ZNF804B: variants seen among roughly 807,000 people sequenced by gnomAD.
ZNF804B encodes zinc finger protein 804B.
ZNF804B carries 80 observed loss-of-function variants against 101.4 expected under a neutral mutation model. That is an observed-to-expected ratio of 0.79 (90% confidence interval 0.66 to 0.95). ZNF804B has a LOEUF of 0.95. Among genes scored for constraint, ZNF804B ranks in the 40% least tolerant of loss-of-function variants. ZNF804B has a pLI of 0.00. For missense variants in ZNF804B, 1,673 were observed against 1,561.9 expected, an observed-to-expected ratio of 1.07 and a Z score of -1.20; for synonymous variants, 622 against 558.8, an observed-to-expected ratio of 1.11 and a Z score of -1.59.
intron 1 of ZNF804B, among the ~76,000 whole-genome samples, chr7:88,800,824 C>T (rs1253510623): frequency 6.6e-6 from 1 of 151,728 alleles, no homozygotes; most frequent in Non-Finnish European, 1.5e-5. Flanking sequence ...CTGGCTAAAG[C>T]ACTAGTCCTC....
chr7:89,197,120 A>G (rs1275347153), intron 1 of ZNF804B, among the ~76,000 whole-genome samples: 3 of 151,980 alleles, frequency 2.0e-5, no homozygotes, highest in Non-Finnish European at 4.4e-5. Context: ...TACCTAGGTG[A>G]TGGGATGATT....
At chr7:88,763,629 CTG>C (rs1273628458) in intron 1 of ZNF804B, among the ~76,000 whole-genome samples, 1 of 151,488 alleles carries the variant, frequency 6.6e-6, no homozygotes, top group African/African-American at 2.4e-5. Context: ...TTTTTAGAAA[CTG>C]TGCATTTTCT....
At chr7:89,146,649 A>G (rs1274445318) in intron 1 of ZNF804B, among the ~76,000 whole-genome samples, 1 of 152,040 alleles carries the variant, frequency 6.6e-6, no homozygotes, top group Non-Finnish European at 1.5e-5. Context: ...AATAACTGTA[A>G]ATGAGATAGA....
intron 2 of ZNF804B, among the ~76,000 whole-genome samples, chr7:89,238,230 G>T (rs533163419): frequency 2.6e-5 from 4 of 152,048 alleles, no homozygotes; most frequent in South Asian, 2.1e-4. Context: ...ATTTTGAAAT[G>T]GAGAGAGGAA....
chr7:89,185,894 A>T (rs567330227), intron 1 of ZNF804B, among the ~76,000 whole-genome samples: 1 of 151,090 alleles, frequency 6.6e-6, no homozygotes. Context: ...GAAAAAAAGA[A>T]AAAAAAAAGA....
chr7:88,896,872 A>G (rs968166399), intron 1 of ZNF804B, among the ~76,000 whole-genome samples: 2 of 152,192 alleles, frequency 1.3e-5, no homozygotes, highest in East Asian at 3.9e-4. Flanking sequence ...GTATGCTTTG[A>G]GAATTATGCA....
intron 2 of ZNF804B, among the ~76,000 whole-genome samples, chr7:89,269,225 C>G (rs1789845471): frequency 6.6e-6 from 1 of 152,112 alleles, no homozygotes; most frequent in Non-Finnish European, 1.5e-5. Flanking sequence ...CCCCCTACCC[C>G]ACAACAGGCT....
intron 1 of ZNF804B, among the ~76,000 whole-genome samples, chr7:88,939,341 T>A (rs951098750): frequency 2.6e-5 from 4 of 152,022 alleles, no homozygotes; most frequent in Non-Finnish European, 5.9e-5. Flanking sequence ...TACACTGTAT[T>A]TTTGTTGTTG....
chr7:88,862,094 G>C (rs1526253), intron 1 of ZNF804B, among the ~76,000 whole-genome samples: 3 of 152,058 alleles, frequency 2.0e-5, no homozygotes, highest in Non-Finnish European at 4.4e-5. Context: ...ACTAAATAAC[G>C]TACTCAGTTT....
intron 1 of ZNF804B, among the ~76,000 whole-genome samples, chr7:88,789,578 A>G (rs1272110226): frequency 1.3e-5 from 2 of 152,146 alleles, no homozygotes; most frequent in Non-Finnish European, 2.9e-5. Context: ...GTATGCTCTT[A>G]AAATCTATGC....
At chr7:89,316,111 C>G (rs1444946717) in intron 2 of ZNF804B, among the ~76,000 whole-genome samples, 1 of 151,986 alleles carries the variant, frequency 6.6e-6, no homozygotes, top group Non-Finnish European at 1.5e-5. Context: ...GGTCTTCATG[C>G]CCATTAAGAT....
intron 1 of ZNF804B, among the ~76,000 whole-genome samples, chr7:88,977,487 C>T (rs988089008): frequency 6.6e-6 from 1 of 151,438 alleles, no homozygotes; most frequent in African/African-American, 2.4e-5. Flanking sequence ...GTTGTAATGT[C>T]AAGGAATTTA....
chr7:89,043,117 A>T (rs1789043410), intron 1 of ZNF804B, among the ~76,000 whole-genome samples: 1 of 152,248 alleles, frequency 6.6e-6, no homozygotes, highest in South Asian at 2.1e-4. Context: ...TGAAAGCAGA[A>T]ACTTGAGACG....
chr7:89,297,214 G>A (rs1238301955), intron 2 of ZNF804B, among the ~76,000 whole-genome samples: 1 of 151,926 alleles, frequency 6.6e-6, no homozygotes, highest in African/African-American at 2.4e-5. Context: ...TTCCTACTAA[G>A]TTCAATTAAT....
chr7:88,954,114 C>T (rs1207661416), intron 1 of ZNF804B, among the ~76,000 whole-genome samples: 1 of 151,650 alleles, frequency 6.6e-6, no homozygotes, highest in Non-Finnish European at 1.5e-5. Flanking sequence ...TTTAAACACT[C>T]ATAAGGAAAA....
intron 2 of ZNF804B, among the ~76,000 whole-genome samples, chr7:89,272,189 C>A (rs1393148912): frequency 1.3e-5 from 2 of 152,032 alleles, no homozygotes; most frequent in African/African-American, 2.4e-5. Flanking sequence ...TTTCTACTAG[C>A]AGCACCCTTT....
intron 1 of ZNF804B, among the ~76,000 whole-genome samples, chr7:88,870,162 G>A (rs1211167761): frequency 2.6e-5 from 4 of 150,954 alleles, no homozygotes; most frequent in African/African-American, 4.9e-5. Context: ...CGAGACGGGC[G>A]GATCACGAGG....
At chr7:89,154,760 G>A (rs566860940) in intron 1 of ZNF804B, among the ~76,000 whole-genome samples, 1 of 151,994 alleles carries the variant, frequency 6.6e-6, no homozygotes, top group Non-Finnish European at 1.5e-5. Flanking sequence ...TGGTTAATGT[G>A]TACCAAACAA....
At chr7:88,899,244 C>G (rs1469482866) in intron 1 of ZNF804B, among the ~76,000 whole-genome samples, 1 of 151,996 alleles carries the variant, frequency 6.6e-6, no homozygotes, top group Non-Finnish European at 1.5e-5. Context: ...TTATGCACAC[C>G]AAGAGATATT....
Sources: gnomAD v4.1 joint callset for allele counts (sites outside exome capture counted in the v4.1 genomes callset) on GRCh38, gnomAD v4.1.1 for gene constraint, MANE v1.5 for transcripts, NCBI Gene and HGNC (gene_info 2026-07-23, HGNC 2026-07-21) for gene names.